TEF: variants seen among roughly 807,000 people sequenced by gnomAD.
TEF encodes the protein TEF transcription factor, PAR bZIP family member.
Under a neutral mutation model 20.8 loss-of-function variants are expected in TEF, and 3 were observed. The observed-to-expected ratio is 0.14, with a 90% CI of 0.07 to 0.37. TEF has a LOEUF of 0.37. Among genes scored for constraint, TEF ranks in the 10% least tolerant of loss-of-function variants. The pLI, the probability that TEF is intolerant of heterozygous loss-of-function variation, is 1.00. For missense variants in TEF, 296 were observed against 397.9 expected (o/e 0.74, Z 2.18); for synonymous variants, 180 against 171.1 (o/e 1.05, Z -0.41).
chr22:41,397,823 A>T lies in TEF; in HGVS notation c.*1863A>T, dbSNP rs1476389998. On this transcript the variant is annotated 3_prime_UTR_variant, in exon 4 of 4. Coordinates refer to ENST00000266304, the MANE Select transcript of TEF (RefSeq NM_003216.4). ...CCCTCTGGCCTGGTGGATCACCAAGAGGGCGGTTCTCATTTTGTTATTAGT... is the reference window on the plus strand; with the variant it reads ...CCCTCTGGCCTGGTGGATCACCAAGTGGGCGGTTCTCATTTTGTTATTAGT... The T allele has an allele frequency of 2.0e-5, 3 of 152,246 alleles. No individual in the cohort carries two copies. The highest frequency in any genetic ancestry group is 7.2e-5 in the African/African-American group (3 of 41,458). 9.4% of individuals were successfully genotyped at this position (152,246 alleles called of 1,614,324 possible). A position where few individuals can be genotyped will look rare whatever the true frequency, so the allele number is the denominator to read the frequency against.
chr22:41,395,425 C>A (rs1228562066), intron 3 of TEF, among the ~76,000 whole-genome samples: 1 of 152,140 alleles, frequency 6.6e-6, no homozygotes, highest in African/African-American at 2.4e-5. Context: ...TAGGCCCTTA[C>A]CCACAACCAA....
chr22:41,368,296 G>A (rs938030093), intron 1 of TEF, among the ~76,000 whole-genome samples: 1 of 152,104 alleles, frequency 6.6e-6, no homozygotes, highest in African/African-American at 2.4e-5. Flanking sequence ...CCAGAAGTCA[G>A]AGGTCACCCC....
chr22:41,381,338 G>A (rs2037017911), upstream of TEF, among the ~76,000 whole-genome samples: 1 of 148,822 alleles, frequency 6.7e-6, no homozygotes, highest in South Asian at 2.1e-4. Context: ...CACGTGCGGC[G>A]CCTCGTGCAC....
chr22:41,368,472 C>G (rs978827359), intron 1 of TEF, among the ~76,000 whole-genome samples: 5 of 152,096 alleles, frequency 3.3e-5, no homozygotes, highest in African/African-American at 1.2e-4. Context: ...CCAGGTGGCC[C>G]TGGTTGTCCC....
intron 3 of TEF, among the ~76,000 whole-genome samples, chr22:41,395,068 G>A (rs945918590): frequency 2.6e-5 from 4 of 152,140 alleles, no homozygotes; most frequent in African/African-American, 2.4e-5. Flanking sequence ...GTGCAGTGGC[G>A]TGATCTCGGC....
At position 41,382,195 on chromosome 22, in the gene TEF, C is replaced by T; in HGVS notation, c.151C>T (p.Arg51Cys). ...GATGGAGAACCCCCCGCGCGAGGCG[C>T]GCCTCGGTGAGGGCGGGGGGGTGGT... is the stretch of plus-strand genomic sequence containing the variant. ...KLMENPPREA[R>C]LDKEKGKEKL... Residue 51 changes from arginine to cysteine, a missense_variant, in exon 1 of 4, where the codon CGC (arginine) becomes TGC (cysteine). By Grantham distance (180) the Arg-to-Cys change is radical. Transcript: ENST00000266304. 2 of 1,202,904 alleles carry T rather than the reference C, an allele frequency of 1.7e-6. No homozygotes were observed. The highest frequency in any genetic ancestry group is 2.1e-6 in the Non-Finnish European group (2 of 970,274). The allele number at this position is 1,202,904 out of a possible 1,614,324, so 74.5% of individuals were successfully genotyped here.
At position 41,399,114 on chromosome 22, in the gene TEF, A is replaced by T. The variant is rs888783827; in HGVS notation, c.*3154A>T. 3 of 152,622 alleles carry T rather than the reference A, an allele frequency of 2.0e-5. No individual in the cohort carries two copies. The highest frequency in any genetic ancestry group is 7.2e-5 in the African/African-American group (3 of 41,430). The allele number at this position is 152,622 out of a possible 1,614,324, so 9.5% of individuals were successfully genotyped here. On this transcript the variant is annotated 3_prime_UTR_variant, in exon 4 of 4. Transcript: ENST00000266304. ...GTCCTTCCCTGGGAGCTGGCATTCCAGCGGGCCCCTCTCTTTACCTTTGTT... is the reference window on the plus strand; with the variant it reads ...GTCCTTCCCTGGGAGCTGGCATTCCTGCGGGCCCCTCTCTTTACCTTTGTT...
At chr22:41,374,256 A>T (rs2036914541) in intron 1 of TEF, among the ~76,000 whole-genome samples, 1 of 151,904 alleles carries the variant, frequency 6.6e-6, no homozygotes, top group African/African-American at 2.4e-5. Context: ...AAAAATTAAA[A>T]ATTAGCTAGG....
At position 41,399,178 on chromosome 22, in the gene TEF, C is replaced by T. The variant is rs756000631; in HGVS notation, c.*3218C>T. On this transcript the variant is annotated 3_prime_UTR_variant, in exon 4 of 4. Coordinates refer to ENST00000266304, the MANE Select transcript of TEF (RefSeq NM_003216.4). ...AAGAGAGAAATTCCTTCTTCCCAGC[C>T]AGAGAGGGCAGAAGCAGACCGTAGC... The T allele has an allele frequency of 6.6e-6, 1 of 152,590 alleles. No homozygotes were observed. The highest frequency in any genetic ancestry group is 1.5e-5 in the Non-Finnish European group (1 of 68,060). 9.5% of individuals were successfully genotyped at this position (152,590 alleles called of 1,614,324 possible).
intron 1 of TEF, among the ~76,000 whole-genome samples, chr22:41,386,394 T>C (rs2037097500): frequency 6.6e-6 from 1 of 151,990 alleles, no homozygotes; most frequent in Non-Finnish European, 1.5e-5. Context: ...TGAGCCTAGA[T>C]TGTGCCATTG....
rs1004110473 is a variant in TEF at position 41,396,322 on chromosome 22, C to T, written c.*362C>T. 1.3e-5 allele frequency: 3 copies of T among 224,662 alleles called. No homozygotes were observed. The highest frequency in any genetic ancestry group is 9.8e-5 in the East Asian group (1 of 10,256). 13.9% of individuals were successfully genotyped at this position (224,662 alleles called of 1,614,324 possible). Reference sequence around the variant, plus strand: ...TCCCTCAGTCTCCAGCCTGGGCTGCCGAGGGCTATCTCTGCAGAATGAGTT... The same window carrying T: ...TCCCTCAGTCTCCAGCCTGGGCTGCTGAGGGCTATCTCTGCAGAATGAGTT... On this transcript the variant is annotated 3_prime_UTR_variant, in exon 4 of 4. Transcript: ENST00000266304.
intron 1 of TEF, among the ~76,000 whole-genome samples, chr22:41,375,594 C>CA (rs1030152108): frequency 1.3e-5 from 2 of 151,616 alleles, no homozygotes; most frequent in Non-Finnish European, 2.9e-5. Context: ...ACTATAAATA[C>CA]AAAAAAATTA....
chr22:41,381,852 T>A (rs2037029000), upstream of TEF: 5 of 1,214,558 alleles, frequency 4.1e-6, no homozygotes. Flanking sequence ...CCGGGGAAGC[T>A]GGCCTGGCCT....
upstream of TEF, among the ~76,000 whole-genome samples, chr22:41,380,489 T>C (rs535180684): frequency 3.3e-5 from 5 of 152,242 alleles, no homozygotes; most frequent in African/African-American, 1.2e-4. Flanking sequence ...CTTGATAACT[T>C]TTAGCTGGCT....
intron 2 of TEF, among the ~76,000 whole-genome samples, chr22:41,390,495 CTTTTT>C (rs11358311): frequency 2.5e-5 from 2 of 80,364 alleles, no homozygotes; most frequent in African/African-American, 5.2e-5. Flanking sequence ...TCATTGTCAT[CTTTTT>C]TTTTTTTTTT....
At chr22:41,375,460 T>C (rs188387096) in intron 1 of TEF, among the ~76,000 whole-genome samples, 204 of 152,216 alleles carry the variant, frequency 1.3e-3, no homozygotes, top group Non-Finnish European at 1.5e-4. Context: ...TTATTAATGC[T>C]CCAAATGCGG....
At chr22:41,370,206 C>T (rs2036866317) in intron 1 of TEF, 4 of 639,540 alleles carry the variant, frequency 6.3e-6, no homozygotes, top group Non-Finnish European at 5.8e-6. Context: ...CCTCTGCCTC[C>T]TGGGTTCAAG....
intron 1 of TEF, chr22:41,369,842 C>G: frequency 1.0e-6 from 1 of 958,866 alleles, no homozygotes; most frequent in Non-Finnish European, 1.2e-6. Context: ...GGTCCGCGTG[C>G]CCTTGCTTTG....
chr22:41,370,585 G>A (rs894461741), intron 1 of TEF, among the ~76,000 whole-genome samples: 2 of 151,412 alleles, frequency 1.3e-5, no homozygotes, highest in Non-Finnish European at 2.9e-5. Context: ...GCTAATTTTT[G>A]TATTTTTAGT....
Sources: allele counts gnomAD v4.1 joint callset (sites outside exome capture counted in the v4.1 genomes callset), GRCh38; gene constraint gnomAD v4.1.1; transcripts MANE v1.5; gene names NCBI Gene and HGNC (gene_info 2026-07-23, HGNC 2026-07-21).